The following VWA3B variants were observed in gnomAD, a reference collection of about 807,000 sequenced individuals.
The protein encoded by VWA3B is von Willebrand factor A domain-containing protein 3B.
In VWA3B, 138 loss-of-function variants were observed where a neutral mutation model predicts 158.3. That is an observed-to-expected ratio of 0.87 (90% CI 0.76 to 1.00). VWA3B has a LOEUF of 1.00. VWA3B is among the 50% of genes least tolerant of loss of function. The pLI is 0.00. For missense variants in VWA3B, 1,555 were observed against 1,565.1 expected (o/e 0.99, Z 0.11); for synonymous variants, 596 against 587.3 (o/e 1.01, Z -0.21).
chr2:98,131,944 G>T (rs1346777623), intron 6 of VWA3B, among the ~76,000 whole-genome samples: 1 of 152,166 alleles, frequency 6.6e-6, no homozygotes, highest in Non-Finnish European at 1.5e-5. Context: ...TGCTCTTACG[G>T]CACTTTGAAA....
intron 22 of VWA3B, among the ~76,000 whole-genome samples, chr2:98,288,075 C>A (rs1689266651): frequency 6.6e-6 from 1 of 152,154 alleles, no homozygotes; most frequent in Non-Finnish European, 1.5e-5. Flanking sequence ...ATTGCTAATT[C>A]AAGGTCTTGA....
chr2:98,301,638 G>T (rs927784313), intron 25 of VWA3B, among the ~76,000 whole-genome samples: 1 of 152,110 alleles, frequency 6.6e-6, no homozygotes, highest in East Asian at 1.9e-4. Context: ...GGAATGACTC[G>T]GTTAACTGTA....
At chr2:98,278,502 A>G (rs1036367880) in intron 22 of VWA3B, among the ~76,000 whole-genome samples, 1 of 152,186 alleles carries the variant, frequency 6.6e-6, no homozygotes, top group African/African-American at 2.4e-5. Flanking sequence ...AAGATGGTAA[A>G]TACAGGGAAT....
intron 7 of VWA3B, among the ~76,000 whole-genome samples, chr2:98,146,539 C>T (rs1239220746): frequency 1.3e-5 from 2 of 152,166 alleles, no homozygotes; most frequent in Non-Finnish European, 2.9e-5. Flanking sequence ...CAGCACTTGT[C>T]ATTGAGGTTC....
intron 21 of VWA3B, among the ~76,000 whole-genome samples, chr2:98,262,847 T>C (rs1687569787): frequency 6.6e-6 from 1 of 151,962 alleles, no homozygotes; most frequent in African/African-American, 2.4e-5. Context: ...TGATAGGGAT[T>C]GCATAGAATT....
chr2:98,133,566 T>G, intron 6 of VWA3B: 1 of 445,442 alleles, frequency 2.2e-6, no homozygotes. Context: ...GAAATACCAT[T>G]TGGTTGAGCT....
intron 7 of VWA3B, among the ~76,000 whole-genome samples, chr2:98,149,627 C>A (rs533194382): frequency 6.6e-6 from 1 of 152,038 alleles, no homozygotes; most frequent in Non-Finnish European, 1.5e-5. Flanking sequence ...ATTTTCCATC[C>A]GCCAGGCAAA....
At chr2:98,180,213 T>C (rs1163020256) in intron 8 of VWA3B, among the ~76,000 whole-genome samples, 2 of 151,950 alleles carry the variant, frequency 1.3e-5, no homozygotes, top group African/African-American at 4.8e-5. Flanking sequence ...TTCCTCTTTT[T>C]TGATGGAGTC....
rs1351499714 is a variant in VWA3B at position 98,236,487 on chromosome 2, T to G, written c.2516+10T>G. 5 of 1,614,114 alleles carry G rather than the reference T, an allele frequency of 3.1e-6. No individual in the cohort carries two copies. The Admixed American group carries it at 5.0e-5, about 16-fold the overall frequency. ...AGGTTTATGACCACGAGTGAGTTCT[T>G]TAATTTGACAAAGACAGTTCTGTTA... On this transcript the variant is annotated intron_variant, in intron 18 of 27. Coordinates refer to ENST00000477737, the MANE Select transcript of VWA3B (RefSeq NM_144992.5).
intron 22 of VWA3B, among the ~76,000 whole-genome samples, chr2:98,285,517 G>A (rs1689118824): frequency 6.6e-6 from 1 of 151,784 alleles, no homozygotes; most frequent in African/African-American, 2.4e-5. Context: ...TTAAGAAACT[G>A]CCAAACTTTG....
At chr2:98,109,493 G>T (rs1399150361) in intron 2 of VWA3B, among the ~76,000 whole-genome samples, 1 of 151,986 alleles carries the variant, frequency 6.6e-6, no homozygotes, top group Admixed American at 6.6e-5. Context: ...CTTACATTGA[G>T]AATTACATTA....
intron 12 of VWA3B, among the ~76,000 whole-genome samples, chr2:98,203,782 C>T (rs1009363218): frequency 9.2e-5 from 14 of 152,116 alleles, no homozygotes; most frequent in African/African-American, 2.7e-4. Context: ...CATCTTTTGA[C>T]CTTAGTAGGC....
chr2:98,093,377 C>T (rs1682491735), intron 2 of VWA3B, 89 bp downstream of exon 2: 1 of 1,383,134 alleles, frequency 7.2e-7, no homozygotes, highest in Non-Finnish European at 1.0e-6. Flanking sequence ...TCAAAAACCA[C>T]AGGTCTCTGA....
intron 2 of VWA3B, among the ~76,000 whole-genome samples, chr2:98,094,770 T>TACAATTAA: frequency 6.6e-6 from 1 of 152,228 alleles, no homozygotes; most frequent in East Asian, 1.9e-4. Flanking sequence ...CAATTAAGTC[T>TACAATTAA]GTAATTCATT....
intron 12 of VWA3B, chr2:98,207,280 G>A: frequency 2.0e-6 from 1 of 498,536 alleles, no homozygotes; most frequent in Non-Finnish European, 4.1e-6. Context: ...TCATTTGGAT[G>A]CCACCACTGT....
intron 8 of VWA3B, among the ~76,000 whole-genome samples, chr2:98,177,332 G>A (rs1201891946): frequency 6.6e-6 from 1 of 152,172 alleles, no homozygotes; most frequent in African/African-American, 2.4e-5. Context: ...CTGTGGAATA[G>A]GAAAGCCATG....
At chr2:98,205,500 G>GT in intron 12 of VWA3B, among the ~76,000 whole-genome samples, 1 of 151,818 alleles carries the variant, frequency 6.6e-6, no homozygotes, top group African/African-American at 2.4e-5. Context: ...TTTCTCTATT[G>GT]TTTTACTATT....
At chr2:98,141,277 G>A (rs1417459725) in intron 7 of VWA3B, among the ~76,000 whole-genome samples, 1 of 152,182 alleles carries the variant, frequency 6.6e-6, no homozygotes, top group East Asian at 1.9e-4. Flanking sequence ...ACCTGAGGCT[G>A]GGTAATTTAT....
chr2:98,182,058 C>T (rs1680629800), intron 9 of VWA3B, among the ~76,000 whole-genome samples: 1 of 152,242 alleles, frequency 6.6e-6, no homozygotes, highest in Non-Finnish European at 1.5e-5. Flanking sequence ...CAGGCTCTTT[C>T]AGGAGGTGGC....
Sources: allele counts gnomAD v4.1 joint callset (sites outside exome capture counted in the v4.1 genomes callset), GRCh38; gene constraint gnomAD v4.1.1; transcripts MANE v1.5; gene names NCBI Gene and HGNC (gene_info 2026-07-23, HGNC 2026-07-21).